Variants in LAMB4 observed in about 807,000 individuals in gnomAD.
LAMB4 encodes laminin subunit beta-4.
Under a neutral mutation model 199.2 loss-of-function variants are expected in LAMB4, and 196 were observed. That is an observed-to-expected ratio of 0.98 (90% confidence interval 0.88 to 1.11). The LOEUF (loss-of-function observed/expected upper bound fraction) is 1.11. Among genes scored for constraint, LAMB4 ranks in the 50% least tolerant of loss-of-function variants. The pLI, the probability that LAMB4 is intolerant of heterozygous loss-of-function variation, is 0.00. For synonymous variants in LAMB4, 744 were observed against 770.6 expected (o/e 0.97, Z 0.57); for missense variants, 2,080 against 2,171.2 (o/e 0.96, Z 0.83).
At position 108,057,859 on chromosome 7, in the gene LAMB4, AATAATTTTCCTGGC is replaced by A. The variant is rs1419238005; in HGVS notation, c.3338_3351del (p.Cys1113LeufsTer3). On this transcript the variant is annotated frameshift_variant, in exon 24 of 34. Transcript: ENST00000388781. LOFTEE classifies it high-confidence loss of function. ...ATGCATCGCCCAGGTGGATCACCAT[AATAATTTTCCTGGC>A]ACTCACTGCAACGTTTCCCGCCGTA... The A allele has an allele frequency of 6.2e-7, 1 of 1,613,302 alleles. No homozygotes were observed. The highest frequency in any genetic ancestry group is 2.2e-5 in the East Asian group (1 of 44,882).
In LAMB4 at chr7:108,066,412, A is replaced by G; in HGVS notation, c.2635T>C (p.Cys879Arg). 1 of 1,614,208 alleles carries G rather than the reference A, an allele frequency of 6.2e-7. No homozygotes were observed. Among genetic ancestry groups the G allele is most frequent in the Non-Finnish European group, 8.5e-7 (1 of 1,180,036 alleles). The change falls in exon 20 of 34, where the codon TGC becomes CGC. Residue 879 changes from cysteine (C) to arginine (R), a missense_variant. By Grantham distance (180) the Cys-to-Arg change is radical. Coordinates refer to ENST00000388781, the MANE Select transcript of LAMB4 (RefSeq NM_007356.3). ...GTTGTAAAGCCTCCACAATTGAAGC[A>G]TGACCCTGTCTCAGGATCACAAAGT... is the stretch of plus-strand genomic sequence containing the variant. The part of the protein sequence containing the change: ...AELCDPETGS[C>R]FNCGGFTTGR...
intron 1 of LAMB4, among the ~76,000 whole-genome samples, chr7:108,129,650 A>T (rs948810954): frequency 2.0e-5 from 3 of 151,092 alleles, no homozygotes; most frequent in South Asian, 2.1e-4. Flanking sequence ...CAGTCCTTCC[A>T]TCTCAACCTC....
At chr7:108,129,248 C>T (rs921925937) in intron 1 of LAMB4, among the ~76,000 whole-genome samples, 1 of 152,126 alleles carries the variant, frequency 6.6e-6, no homozygotes, top group Non-Finnish European at 1.5e-5. Context: ...AGAGCCTCTC[C>T]GCAGGAAAGA....
chr7:108,090,676 G>C (rs974553623), intron 14 of LAMB4, among the ~76,000 whole-genome samples: 4 of 152,004 alleles, frequency 2.6e-5, no homozygotes, highest in African/African-American at 9.7e-5. Flanking sequence ...TGTTTATTCT[G>C]TTTTCCCATC....
chr7:108,031,074 G>A (rs1323994775), intron 31 of LAMB4, 95 bp from the exon 32 acceptor site: 8 of 999,948 alleles, frequency 8.0e-6, no homozygotes, highest in African/African-American at 1.7e-5. Context: ...TATGCTGGGT[G>A]TAAAGGAAAA....
At chr7:108,016,237 T>A in the LAMB4 span, among the ~76,000 whole-genome samples, 1 of 150,252 alleles carries the variant, frequency 6.7e-6, no homozygotes, top group Admixed American at 6.7e-5. Flanking sequence ...AATGAGGGGG[T>A]AGGACGAGGG....
chr7:108,103,415 T>C (rs1037415819), intron 9 of LAMB4, among the ~76,000 whole-genome samples, 183 bp from the exon 10 acceptor site: 1 of 152,228 alleles, frequency 6.6e-6, no homozygotes, highest in Non-Finnish European at 1.5e-5. Context: ...GTTCTAACAC[T>C]CTGATTCTGC....
At chr7:108,027,538 G>C (rs1454019050) in intron 33 of LAMB4, among the ~76,000 whole-genome samples, 2 of 152,106 alleles carry the variant, frequency 1.3e-5, no homozygotes, top group African/African-American at 4.8e-5. Context: ...AGACTCATTT[G>C]ATAATAAAAA....
rs372221421 is a variant in LAMB4, at chr7:108,124,769, C to A, written c.-33-1572G>T. Reference sequence around the variant, plus strand: ...ATTTTTTCACATTCTACCTTCGAGGCTTTTCCTTGTGAATCCGTTACCCTC... The same window carrying A: ...ATTTTTTCACATTCTACCTTCGAGGATTTTCCTTGTGAATCCGTTACCCTC... On this transcript the variant is annotated intron_variant, in intron 1 of 33. Coordinates refer to ENST00000388781, the MANE Select transcript of LAMB4 (RefSeq NM_007356.3). 3.9e-5 allele frequency among the ~76,000 whole-genome samples: 6 copies of A among 152,286 alleles called. No homozygotes were observed. In the South Asian group the frequency reaches 1.0e-3, roughly 26 times the overall value.
chr7:108,018,846 G>C (rs2034635502), downstream of LAMB4, among the ~76,000 whole-genome samples: 1 of 152,166 alleles, frequency 6.6e-6, no homozygotes, highest in African/African-American at 2.4e-5. Flanking sequence ...ATCTTTTATG[G>C]CTTTCATCCA....
At chr7:108,063,640 G>A (rs1384156409) in intron 22 of LAMB4, 121 bp downstream of exon 22, 5 of 838,876 alleles carry the variant, frequency 6.0e-6, no homozygotes, top group South Asian at 4.3e-5. Context: ...CTGTCACCTA[G>A]TGGGTGCTGC....
intron 14 of LAMB4, among the ~76,000 whole-genome samples, chr7:108,085,529 T>C (rs1400408652): frequency 1.3e-5 from 2 of 152,150 alleles, no homozygotes; most frequent in Non-Finnish European, 2.9e-5. Flanking sequence ...GTATAAAGCT[T>C]TATATGTTAG....
At position 108,105,854 on chromosome 7, in the gene LAMB4, T is replaced by A; in HGVS notation, c.833A>T (p.Gln278Leu). 6.2e-7 allele frequency: 1 copy of A among 1,614,256 alleles called. No homozygotes were observed. Among genetic ancestry groups the A allele is most frequent in the South Asian group, 1.1e-5 (1 of 91,086 alleles). ...NGHASECRPM[Q>L]KMRGDVFSPP... Reference sequence around the variant, plus strand: ...GCTGAAAACATCTCCCCGCATCTTCTGCATAGGGCGACATTCGCTAGCATG... The same window carrying A: ...GCTGAAAACATCTCCCCGCATCTTCAGCATAGGGCGACATTCGCTAGCATG... The change falls in exon 8 of 34, where the codon CAG becomes CTG. Residue 278 changes from glutamine (Q) to leucine (L), a missense_variant. Gln to Leu is a moderately radical substitution (Grantham distance 113). Coordinates refer to ENST00000388781, the MANE Select transcript of LAMB4 (RefSeq NM_007356.3).
At chr7:108,065,597 T>C (rs907260910) in intron 21 of LAMB4, among the ~76,000 whole-genome samples, 165 bp downstream of exon 21, 2 of 152,194 alleles carry the variant, frequency 1.3e-5, no homozygotes, top group African/African-American at 4.8e-5. Context: ...TTGTGAATCA[T>C]TCAAATTCTT....
intron 3 of LAMB4, among the ~76,000 whole-genome samples, chr7:108,113,153 C>T (rs550344294): frequency 9.9e-5 from 15 of 152,250 alleles, no homozygotes; most frequent in Admixed American, 9.2e-4. Flanking sequence ...ATCTTTTCAC[C>T]CCCATGGCCC....
chr7:108,129,466 C>T lies in LAMB4; in HGVS notation c.-34+840G>A, dbSNP rs577715523. Among the ~76,000 whole-genome samples, 13 of 151,832 alleles carry T rather than the reference C, an allele frequency of 8.6e-5. No homozygotes were observed. In the South Asian group the frequency reaches 1.5e-3, roughly 17 times the overall value. Reference sequence around the variant, plus strand: ...CTTTTTTTCATGTTATGTCAGGACTCATTAGATATTTCAACTGTTTTGCCT... The same window carrying T: ...CTTTTTTTCATGTTATGTCAGGACTTATTAGATATTTCAACTGTTTTGCCT... On this transcript the variant is annotated intron_variant, in intron 1 of 33. Transcript: ENST00000388781.
rs565756362 is a variant in LAMB4, at chr7:108,104,204, C to G, written c.991+295G>C. ...GTGTTCACCAAATTCTTGGAGTTGC[C>G]TTGTCCCCACTGATATTGCCATTAA... On this transcript the variant is annotated intron_variant, in intron 9 of 33. Transcript: ENST00000388781. 6.6e-5 allele frequency among the ~76,000 whole-genome samples: 10 copies of G among 152,326 alleles called. No individual in the cohort carries two copies. The South Asian group carries it at 1.7e-3, about 25-fold the overall frequency.
At chr7:108,057,516 G>A (rs2036020707) in intron 24 of LAMB4, among the ~76,000 whole-genome samples, 1 of 152,170 alleles carries the variant, frequency 6.6e-6, no homozygotes, top group Non-Finnish European at 1.5e-5. Context: ...ATGGTGATAA[G>A]CCCATGATAC....
intron 11 of LAMB4, among the ~76,000 whole-genome samples, 177 bp downstream of exon 11, chr7:108,098,226 G>A (rs553763683): frequency 6.6e-6 from 1 of 152,094 alleles, no homozygotes; most frequent in Non-Finnish European, 1.5e-5. Flanking sequence ...CCAGCTACTC[G>A]GGAGGCTGAG....
Sources: allele counts gnomAD v4.1 joint callset (sites outside exome capture counted in the v4.1 genomes callset), GRCh38; gene constraint gnomAD v4.1.1; transcripts MANE v1.5; gene names NCBI Gene and HGNC (gene_info 2026-07-23, HGNC 2026-07-21).